Variants in PIGK observed in about 807,000 individuals in gnomAD.
The protein encoded by PIGK is phosphatidylinositol glycan anchor biosynthesis class K.
Under a neutral mutation model 50.6 loss-of-function variants are expected in PIGK, and 42 were observed. The observed-to-expected ratio is 0.83, with a 90% confidence interval of 0.65 to 1.07. The LOEUF (loss-of-function observed/expected upper bound fraction) is 1.07, where lower values mean the gene tolerates loss of function less well. Among genes scored for constraint, PIGK ranks in the 50% least tolerant of loss-of-function variants. The pLI, the probability that PIGK is intolerant of heterozygous loss-of-function variation, is 0.00. For synonymous variants in PIGK, 151 were observed against 156.0 expected (o/e 0.97, Z 0.24); for missense variants, 448 against 488.7 (o/e 0.92, Z 0.78).
At chr1:77,178,783 G>T (rs1371872095) in intron 3 of PIGK, among the ~76,000 whole-genome samples, 2 of 152,172 alleles carry the variant, frequency 1.3e-5, no homozygotes, top group Non-Finnish European at 2.9e-5. Flanking sequence ...TCTCTAAAAT[G>T]TCAAATGGTC....
chr1:77,126,872 T>G (rs796923731), intron 9 of PIGK, among the ~76,000 whole-genome samples: 1 of 152,310 alleles, frequency 6.6e-6, no homozygotes, highest in South Asian at 2.1e-4. Context: ...CTTAACATTT[T>G]GAGTCATTTC....
chr1:77,206,543 C>A, intron 3 of PIGK, 97 bp downstream of exon 3: 3 of 693,738 alleles, frequency 4.3e-6, no homozygotes, highest in East Asian at 2.9e-5. Flanking sequence ...TTTTTTTTTA[C>A]CTTTTTCAAA....
rs765622565 is a variant in PIGK at position 77,122,353 on chromosome 1, C to A, written c.993G>T (p.Lys331Asn). Residue 331 changes from lysine (K) to asparagine (N), a missense_variant, in exon 10 of 11, where the codon AAG becomes AAT. Lys to Asn is a moderately conservative substitution (Grantham distance 94). Coordinates refer to ENST00000370812, the MANE Select transcript of PIGK (RefSeq NM_005482.3). ...QDSEIMESSY[K>N]EDQMDEKLME... Reference sequence around the variant, plus strand: ...TTAGTTTCTCATCCATCTGGTCTTCCTTATAGCTGGAAAAGATAATTTAAA... The same window carrying A: ...TTAGTTTCTCATCCATCTGGTCTTCATTATAGCTGGAAAAGATAATTTAAA... The A allele has an allele frequency of 1.3e-6, 2 of 1,581,510 alleles. No individual in the cohort carries two copies. Among genetic ancestry groups the A allele is most frequent in the Non-Finnish European group, 1.7e-6 (2 of 1,151,584 alleles).
chr1:77,166,250 A>G (rs886480583), intron 5 of PIGK, among the ~76,000 whole-genome samples: 2 of 152,178 alleles, frequency 1.3e-5, no homozygotes, highest in Admixed American at 6.5e-5. Flanking sequence ...TATATCCACA[A>G]TGCAATTTCA....
chr1:77,117,930 T>C (rs984595457), intron 10 of PIGK, among the ~76,000 whole-genome samples: 4 of 152,232 alleles, frequency 2.6e-5, no homozygotes, highest in African/African-American at 9.6e-5. Context: ...TGCCAATTTA[T>C]ACTCTCCTCC....
intron 10 of PIGK, among the ~76,000 whole-genome samples, chr1:77,106,669 T>C (rs973311200): frequency 2.0e-5 from 3 of 152,112 alleles, no homozygotes; most frequent in African/African-American, 7.2e-5. Flanking sequence ...CCTTTTCTGC[T>C]TCTATATACT....
rs79185517 is a variant in PIGK, at chr1:77,190,961, C to T, written c.239+15679G>A. On this transcript the variant is annotated intron_variant, in intron 3 of 10. Transcript: ENST00000370812. Reference sequence around the variant, plus strand: ...GGAGAGGGGGCAAACAGCACAGCCACCTCACCGTTCCCTTCCCCATTCCTC... The same window carrying T: ...GGAGAGGGGGCAAACAGCACAGCCATCTCACCGTTCCCTTCCCCATTCCTC... Among the ~76,000 whole-genome samples, 570 of 152,328 alleles carry T rather than the reference C, an allele frequency of 3.7e-3. 5 individuals are homozygous for T. The highest frequency in any genetic ancestry group is 0.013 in the African/African-American group (540 of 41,572).
At chr1:77,115,480 T>A (rs1179446845) in intron 10 of PIGK, among the ~76,000 whole-genome samples, 1 of 151,978 alleles carries the variant, frequency 6.6e-6, no homozygotes, top group Non-Finnish European at 1.5e-5. Context: ...GCAGTGCTAT[T>A]GGCAACCAGT....
chr1:77,145,324 A>G (rs1006393139), intron 9 of PIGK, among the ~76,000 whole-genome samples: 1 of 152,006 alleles, frequency 6.6e-6, no homozygotes, highest in Non-Finnish European at 1.5e-5. Flanking sequence ...ACCGAAAAAT[A>G]AAAAAATAAA....
intron 1 of PIGK, among the ~76,000 whole-genome samples, chr1:77,215,895 G>T (rs955494783): frequency 1.3e-5 from 2 of 152,032 alleles, no homozygotes; most frequent in Non-Finnish European, 2.9e-5. Flanking sequence ...TTAAAAACTT[G>T]ATCTCATGGA....
chr1:77,199,549 AAT>A, intron 3 of PIGK, among the ~76,000 whole-genome samples: 1 of 152,080 alleles, frequency 6.6e-6, no homozygotes, highest in East Asian at 1.9e-4. Flanking sequence ...AAAATCACCA[AAT>A]ATGATTATCA....
chr1:77,098,778 G>A (rs1653478437), intron 10 of PIGK, among the ~76,000 whole-genome samples: 1 of 152,050 alleles, frequency 6.6e-6, no homozygotes, highest in Non-Finnish European at 1.5e-5. Flanking sequence ...AAATCAGTAA[G>A]ACACAAGGGT....
At position 77,090,233 on chromosome 1, in the gene PIGK, C is replaced by T. The variant is rs1047162008; in HGVS notation, c.*2141G>A. 6.6e-6 allele frequency: 1 copy of T among 152,194 alleles called. No individual in the cohort carries two copies. The highest frequency in any genetic ancestry group is 1.5e-5 in the Non-Finnish European group (1 of 68,022). The allele number at this position is 152,194 out of a possible 1,614,324, so 9.4% of individuals were successfully genotyped here. A position where few individuals can be genotyped will look rare whatever the true frequency, so the allele number is the denominator to read the frequency against. On this transcript the variant is annotated 3_prime_UTR_variant, in exon 11 of 11. Transcript: ENST00000370812. ...TATTTAAGGATTTGTTTTTATGATA[C>T]TGTTTAAAGTGTAGGCCATTTAATT...
intron 9 of PIGK, among the ~76,000 whole-genome samples, chr1:77,126,726 T>C (rs1208076835): frequency 2.0e-5 from 3 of 152,168 alleles, no homozygotes; most frequent in African/African-American, 7.2e-5. Context: ...TGACAAACCA[T>C]ATATAATTCA....
chr1:77,181,117 G>C (rs962003407), intron 3 of PIGK, among the ~76,000 whole-genome samples: 10 of 151,998 alleles, frequency 6.6e-5, no homozygotes, highest in Non-Finnish European at 1.3e-4. Flanking sequence ...CTCAAAAAAA[G>C]TAGTCAGGAA....
At chr1:77,156,646 T>A (rs1374519892) in intron 8 of PIGK, among the ~76,000 whole-genome samples, 1 of 152,178 alleles carries the variant, frequency 6.6e-6, no homozygotes, top group Non-Finnish European at 1.5e-5. Flanking sequence ...CCAACTTCCA[T>A]GTGTCTGCGG....
intron 10 of PIGK, among the ~76,000 whole-genome samples, chr1:77,094,279 C>A (rs1172450382): frequency 6.6e-6 from 1 of 152,126 alleles, no homozygotes; most frequent in Non-Finnish European, 1.5e-5. Context: ...TACTGATTTT[C>A]CCTAACAACT....
At chr1:77,122,550 A>G (rs2100528552) in intron 9 of PIGK, among the ~76,000 whole-genome samples, 191 bp from the exon 10 acceptor site, 1 of 152,346 alleles carries the variant, frequency 6.6e-6, no homozygotes, top group South Asian at 2.1e-4. Context: ...TTCAGACTAC[A>G]TTAAGTAACT....
rs543752031 is a variant in PIGK, at chr1:77,129,617, A to G, written c.987-7258T>C. On this transcript the variant is annotated intron_variant, in intron 9 of 10. Transcript: ENST00000370812. ...CAGAAGAGGAGGTTGCCCAGAAGAAAAAGATATCCCAGAAGAAACTGAAGA... is the reference window on the plus strand; with the variant it reads ...CAGAAGAGGAGGTTGCCCAGAAGAAGAAGATATCCCAGAAGAAACTGAAGA... 22 of 1,550,446 alleles carry G rather than the reference A, an allele frequency of 1.4e-5. No homozygotes were observed. In the East Asian group the frequency reaches 2.0e-4, roughly 14 times the overall value.
Sources: gnomAD v4.1 joint callset for allele counts (sites outside exome capture counted in the v4.1 genomes callset) on GRCh38, gnomAD v4.1.1 for gene constraint, MANE v1.5 for transcripts, NCBI Gene and HGNC (gene_info 2026-07-23, HGNC 2026-07-21) for gene names.